Variants in SH3D21 observed in about 807,000 individuals in gnomAD.
SH3D21 encodes the protein SH3 domain-containing protein 21.
Under a neutral mutation model 82.1 loss-of-function variants are expected in SH3D21, and 83 were observed. That is an observed-to-expected ratio of 1.01 (90% CI 0.85 to 1.21). The LOEUF (loss-of-function observed/expected upper bound fraction) is 1.21, where lower values mean the gene tolerates loss of function less well. Ranked by LOEUF, SH3D21 falls within the 50% of genes most tolerant of loss-of-function variation. SH3D21 has a pLI of 0.00. For missense variants in SH3D21, 980 were observed against 962.1 expected (o/e 1.02, Z -0.25); for synonymous variants, 383 against 387.8 (o/e 0.99, Z 0.15).
chr1:36,321,386 T>C, downstream of SH3D21: 2 of 1,273,422 alleles, frequency 1.6e-6, no homozygotes, highest in Non-Finnish European at 2.0e-6. The surrounding 1 kb of genome is among the most constrained non-coding windows in gnomAD (Gnocchi z 6.1). Context: ...CACCGGATGG[T>C]GAGGGGCGGG....
downstream of SH3D21, chr1:36,328,475 A>C (rs903383108): frequency 6.7e-6 from 2 of 296,456 alleles, no homozygotes; most frequent in African/African-American, 4.3e-5. Flanking sequence ...AAATTTGCTA[A>C]ATGGACAATC....
chr1:36,325,654 C>T (rs1007898026), downstream of SH3D21, among the ~76,000 whole-genome samples: 7 of 152,146 alleles, frequency 4.6e-5, no homozygotes, highest in African/African-American at 9.7e-5. Context: ...ATGCCATTCT[C>T]CTGCCTCAGC....
chr1:36,323,925 AT>A (rs1364498928), downstream of SH3D21: 2 of 152,252 alleles, frequency 1.3e-5, no homozygotes, highest in Non-Finnish European at 2.9e-5. Context: ...TGATACCATT[AT>A]CCCCACTTCG....
chr1:36,307,005 G>T lies in SH3D21; in HGVS notation c.226+100G>T. 1.4e-6 allele frequency: 2 copies of T among 1,408,996 alleles called. No individual in the cohort carries two copies. The highest frequency in any genetic ancestry group is 1.9e-6 in the Non-Finnish European group (2 of 1,075,298). The allele number at this position is 1,408,996 out of a possible 1,614,324, so 87.3% of individuals were successfully genotyped here. Reference sequence around the variant, plus strand: ...TAGTGACGGGCGCGGCTCTGGGCGGGACCTCGGGGCCGCCCTGCGGTCTGT... The same window carrying T: ...TAGTGACGGGCGCGGCTCTGGGCGGTACCTCGGGGCCGCCCTGCGGTCTGT... On this transcript the variant is annotated intron_variant, in intron 3 of 15. Transcript: ENST00000453908. This position sits in a 1 kb window ranked among gnomAD's most constrained non-coding sequence, Gnocchi z 5.4.
At chr1:36,327,941 C>A (rs373693625), downstream of SH3D21, 2 of 1,138,592 alleles carry the variant, frequency 1.8e-6, no homozygotes, top group East Asian at 5.8e-5. Context: ...CCCAGCCACC[C>A]GCTTCGGATC....
At chr1:36,322,756 G>C, downstream of SH3D21, 1 of 1,538,506 alleles carries the variant, frequency 6.5e-7, no homozygotes, top group African/African-American at 1.4e-5. Context: ...GTCACGGAGA[G>C]GCCCGGACGG....
chr1:36,316,731 C>T (rs979432245), intron 10 of SH3D21, among the ~76,000 whole-genome samples: 4 of 152,012 alleles, frequency 2.6e-5, no homozygotes, highest in Non-Finnish European at 5.9e-5. Context: ...GCTGCCCTCC[C>T]TCCCTCCGCC....
chr1:36,322,869 G>C, downstream of SH3D21: 1 of 1,532,540 alleles, frequency 6.5e-7, no homozygotes, highest in Non-Finnish European at 8.9e-7. Flanking sequence ...CGGGCAAGAG[G>C]GCGGGGAGCG....
At chr1:36,322,467 T>C (rs1570411545), downstream of SH3D21, 3 of 1,604,694 alleles carry the variant, frequency 1.9e-6, no homozygotes, top group Non-Finnish European at 2.5e-6. Flanking sequence ...GACGTTGACG[T>C]TGAGGGGCCC....
downstream of SH3D21, chr1:36,321,907 G>A: frequency 9.3e-7 from 1 of 1,077,142 alleles, no homozygotes; most frequent in Admixed American, 5.0e-5. This position sits in a 1 kb window ranked among gnomAD's most constrained non-coding sequence, Gnocchi z 6.1. Context: ...TGTATCGTCG[G>A]GTTGGTGGGT....
downstream of SH3D21, among the ~76,000 whole-genome samples, chr1:36,330,110 A>T (rs1479933214): frequency 6.6e-6 from 1 of 152,036 alleles, no homozygotes; most frequent in Non-Finnish European, 1.5e-5. Flanking sequence ...CTGCACCCCC[A>T]ACTCGGTTCA....
rs755973569 is a variant in SH3D21 at position 36,321,090 on chromosome 1, C to T, written c.2234C>T (p.Thr745Ile). ...ATGCAGGGGACCCAGAAGTCCCAGA[C>T]CCCGCGCGTCATCCACACGCAGACG... is the stretch of plus-strand genomic sequence containing the variant. Reference protein sequence around the residue: ...QVMQGTQKSQTPRVIHTQTQT... With the variant: ...QVMQGTQKSQIPRVIHTQTQT... The change falls in exon 16 of 16, where the codon ACC becomes ATC. Residue 745 changes from threonine (T) to isoleucine (I), a missense_variant. By Grantham distance (89) the Thr-to-Ile change is moderately conservative. Coordinates refer to ENST00000453908, the MANE Select transcript of SH3D21 (RefSeq NM_001162530.2). The surrounding 1 kb of genome is among the most constrained non-coding windows in gnomAD (Gnocchi z 6.1). 1 of 1,612,338 alleles carries T rather than the reference C, an allele frequency of 6.2e-7. No homozygotes were observed. Among genetic ancestry groups the T allele is most frequent in the Non-Finnish European group, 8.5e-7 (1 of 1,179,466 alleles).
In SH3D21 at chr1:36,318,536, C is replaced by T. The variant is rs561771174; in HGVS notation, c.770-535C>T. On this transcript the variant is annotated intron_variant, in intron 10 of 15. Coordinates refer to ENST00000453908, the MANE Select transcript of SH3D21 (RefSeq NM_001162530.2). ...CTGTAATGCCAGCACTTTGGGAGGC[C>T]TGAGGCAGGCTGGGTCACTTGAGGT... Among the ~76,000 whole-genome samples, 8 of 152,142 alleles carry T rather than the reference C, an allele frequency of 5.3e-5. No homozygotes were observed. In the South Asian group the frequency reaches 1.7e-3, roughly 32 times the overall value.
At chr1:36,328,156 G>C (rs772457707), downstream of SH3D21, 52 of 456,572 alleles carry the variant, frequency 1.1e-4, 2 homozygotes, top group South Asian at 8.1e-4. Context: ...CTGCTAAGAT[G>C]AAACACAGGA....
rs748101016 is a variant in SH3D21, at chr1:36,307,186, G to T, written c.246G>T (p.Pro82=). 366 of 1,551,590 alleles carry T rather than the reference G, an allele frequency of 2.4e-4. No homozygotes were observed. The highest frequency in any genetic ancestry group is 3.0e-4 in the Non-Finnish European group (342 of 1,146,986). Residue 82 remains proline (P), a synonymous_variant, in exon 4 of 16, where the codon CCG becomes CCT. Transcript: ENST00000453908. This position sits in a 1 kb window ranked among gnomAD's most constrained non-coding sequence, Gnocchi z 5.4. The part of the protein sequence containing the change: ...ARRRGHPAKH[P]RPQRWCKVNF... Reference sequence around the variant, plus strand: ...TGCTAGGTCATCCTGCCAAACACCCGAGGCCCCAAAGATGGTGCAAAGTGA... The same window carrying T: ...TGCTAGGTCATCCTGCCAAACACCCTAGGCCCCAAAGATGGTGCAAAGTGA...
At chr1:36,322,863 C>A, downstream of SH3D21, 1 of 1,516,628 alleles carries the variant, frequency 6.6e-7, no homozygotes, top group South Asian at 1.2e-5. Flanking sequence ...CGCCAGCGGG[C>A]AAGAGGGCGG....
rs1401058868 is a variant in SH3D21 at position 36,320,770 on chromosome 1, G to A, written c.2107G>A (p.Ala703Thr). The A allele has an allele frequency of 1.9e-6, 3 of 1,584,030 alleles. No homozygotes were observed. The highest frequency in any genetic ancestry group is 1.1e-5 in the South Asian group (1 of 88,084). The change falls in exon 14 of 16, where the codon GCG (alanine) becomes ACG (threonine). Residue 703 changes from alanine (A) to threonine (T), a missense_variant. By Grantham distance (58) the Ala-to-Thr change is moderately conservative. Transcript: ENST00000453908. ...GGGCGAGGTGGAGTCTCTAAGGAGG[G>A]CGCTGGAGCTGATGGAGGTGCAGCT... ...LRGEVESLRR[A>T]LELMEVQLER...
chr1:36,318,299 G>A (rs1455810422), intron 10 of SH3D21, among the ~76,000 whole-genome samples: 1 of 152,164 alleles, frequency 6.6e-6, no homozygotes, highest in Admixed American at 6.5e-5. Context: ...TATGTTAAGA[G>A]TGTGATGCCC....
downstream of SH3D21, chr1:36,322,767 G>A (rs1179881710): frequency 6.5e-7 from 1 of 1,532,708 alleles, no homozygotes; most frequent in Non-Finnish European, 8.8e-7. Context: ...GCCCGGACGG[G>A]TGGGGGTTGT....
Sources: allele counts gnomAD v4.1 joint callset (sites outside exome capture counted in the v4.1 genomes callset), GRCh38; gene constraint gnomAD v4.1.1; non-coding constraint Gnocchi (gnomAD v3.1); transcripts MANE v1.5; gene names NCBI Gene and HGNC (gene_info 2026-07-23, HGNC 2026-07-21).